Variants in IL1RAPL2 observed in about 807,000 individuals in gnomAD.
IL1RAPL2 encodes the protein X-linked interleukin-1 receptor accessory protein-like 2.
IL1RAPL2 carries 3 observed loss-of-function variants against 44.1 expected under a neutral mutation model. That is an observed-to-expected ratio of 0.07 (90% CI 0.03 to 0.18). The LOEUF (loss-of-function observed/expected upper bound fraction) is 0.18. Among genes scored for constraint, IL1RAPL2 ranks in the 10% least tolerant of loss-of-function variants. The pLI is 1.00. For missense variants in IL1RAPL2, 391 were observed against 496.4 expected (o/e 0.79, Z 2.02); for synonymous variants, 181 against 178.8 (o/e 1.01, Z -0.10).
At chrX:104,983,665 A>ATACATAATATTATATACATAATATT (rs2030506327) in intron 2 of IL1RAPL2, among the ~76,000 whole-genome samples, 2 of 97,808 alleles carry the variant, frequency 2.0e-5, no homozygotes, top group Non-Finnish European at 4.0e-5. Flanking sequence ...TACATAATAT[A>ATACATAATATTATATACATAATATT]TACATAATAT....
intron 4 of IL1RAPL2, among the ~76,000 whole-genome samples, chrX:105,241,954 A>C (rs2034174252): frequency 8.9e-6 from 1 of 112,264 alleles, no homozygotes; most frequent in South Asian, 3.7e-4. Context: ...CAGTAGTCTC[A>C]ATTACATGTT....
In IL1RAPL2 at chrX:104,739,555, A is replaced by G. The variant is rs182472936; in HGVS notation, c.82+80560A>G. Among the ~76,000 whole-genome samples, 3 of 111,898 alleles carry G rather than the reference A, an allele frequency of 2.7e-5. No individual in the cohort carries two copies. The East Asian group carries it at 8.6e-4, about 32-fold the overall frequency. ...TGATTTCACTCTTAAAGATGCTGAC[A>G]TATCTTCTATTTGAAGGAGCTCTTG... On this transcript the variant is annotated intron_variant, in intron 2 of 10. Transcript: ENST00000372582.
At chrX:105,149,561 G>A (rs1436121112) in intron 2 of IL1RAPL2, among the ~76,000 whole-genome samples, 9 of 111,624 alleles carry the variant, frequency 8.1e-5, no homozygotes, top group Non-Finnish European at 1.7e-4. Context: ...GCCAGGTGTG[G>A]TGGCTCATGC....
At chrX:105,469,763 G>A (rs2036153583) in intron 5 of IL1RAPL2, among the ~76,000 whole-genome samples, 1 of 110,460 alleles carries the variant, frequency 9.1e-6, no homozygotes, top group African/African-American at 3.3e-5. Flanking sequence ...TGTAATCTTG[G>A]GTAGGTCACC....
intron 2 of IL1RAPL2, among the ~76,000 whole-genome samples, chrX:104,989,432 A>G (rs73635171): frequency 0.056 from 6,283 of 111,417 alleles, 456 homozygotes; most frequent in African/African-American, 0.2. Flanking sequence ...GTAAAGAATC[A>G]TATTGTTGGC....
At chrX:104,913,690 T>C (rs1008747702) in intron 2 of IL1RAPL2, among the ~76,000 whole-genome samples, 1 of 112,304 alleles carries the variant, frequency 8.9e-6, no homozygotes, top group South Asian at 3.7e-4. Flanking sequence ...CACTCTCTGA[T>C]GGTAGCTAGA....
intron 9 of IL1RAPL2, among the ~76,000 whole-genome samples, chrX:105,753,566 G>C (rs982484703): frequency 9.0e-6 from 1 of 111,218 alleles, no homozygotes; most frequent in Non-Finnish European, 1.9e-5. Context: ...ATTGGAACAA[G>C]GGCAGAGGTG....
intron 2 of IL1RAPL2, among the ~76,000 whole-genome samples, chrX:104,778,736 A>C (rs1269640120): frequency 9.1e-6 from 1 of 109,480 alleles, no homozygotes; most frequent in African/African-American, 3.3e-5. Context: ...AATTTTTACC[A>C]GCCAATTAAA....
intron 6 of IL1RAPL2, among the ~76,000 whole-genome samples, chrX:105,711,496 C>T (rs1289921648): frequency 9.0e-6 from 1 of 111,575 alleles, no homozygotes; most frequent in Non-Finnish European, 1.9e-5. Flanking sequence ...GATCCTGCCT[C>T]TCAACACTAT....
At chrX:104,802,414 T>A (rs1006683534) in intron 2 of IL1RAPL2, among the ~76,000 whole-genome samples, 5 of 110,352 alleles carry the variant, frequency 4.5e-5, no homozygotes, top group Non-Finnish European at 1.9e-5. Context: ...CAAAGAAAAG[T>A]TAAAATATGC....
intron 2 of IL1RAPL2, among the ~76,000 whole-genome samples, chrX:104,848,195 T>C (rs1922110132): frequency 9.1e-6 from 1 of 109,670 alleles, no homozygotes; most frequent in African/African-American, 3.3e-5. Context: ...TTCTTTCTCC[T>C]GCCTGATTGC....
At chrX:105,170,432 A>G (rs1462598458) in intron 2 of IL1RAPL2, among the ~76,000 whole-genome samples, 2 of 111,497 alleles carry the variant, frequency 1.8e-5, no homozygotes, top group African/African-American at 6.5e-5. Flanking sequence ...TATAAATCAA[A>G]TTGTACTTAC....
At chrX:104,582,822 C>CTT (rs748809592) in intron 1 of IL1RAPL2, among the ~76,000 whole-genome samples, 1 of 40,656 alleles carries the variant, frequency 2.5e-5, no homozygotes, top group Non-Finnish European at 4.2e-5. Context: ...TCCTTTCTTT[C>CTT]TCTTTCTTTC....
intron 8 of IL1RAPL2, among the ~76,000 whole-genome samples, chrX:105,743,720 T>A (rs183687261): frequency 8.9e-5 from 10 of 111,859 alleles, no homozygotes; most frequent in African/African-American, 2.3e-4. Context: ...TACTGCTGTA[T>A]CTCTAGTGCA....
At chrX:105,297,542 A>T (rs1478264511) in intron 5 of IL1RAPL2, among the ~76,000 whole-genome samples, 1 of 110,644 alleles carries the variant, frequency 9.0e-6, no homozygotes, top group African/African-American at 3.3e-5. Context: ...ACCTTTCTTC[A>T]CAAAGCAGCA....
intron 6 of IL1RAPL2, among the ~76,000 whole-genome samples, chrX:105,674,988 T>C (rs1461405669): frequency 9.0e-6 from 1 of 110,645 alleles, no homozygotes; most frequent in Non-Finnish European, 1.9e-5. Flanking sequence ...ATAGGAGTGC[T>C]TGTGACTTCT....
intron 6 of IL1RAPL2, among the ~76,000 whole-genome samples, chrX:105,487,459 T>C (rs1186315298): frequency 1.8e-5 from 2 of 112,239 alleles, no homozygotes; most frequent in Admixed American, 1.9e-4. Context: ...GCTGAACTTT[T>C]CGGGTTTTAG....
intron 1 of IL1RAPL2, among the ~76,000 whole-genome samples, chrX:104,619,571 G>A (rs1166475275): frequency 8.9e-6 from 1 of 111,821 alleles, no homozygotes; most frequent in East Asian, 2.8e-4. Flanking sequence ...TTTCCTCCTT[G>A]AATTAAACTG....
intron 2 of IL1RAPL2, among the ~76,000 whole-genome samples, chrX:105,110,361 A>G (rs747940217): frequency 2.7e-5 from 3 of 112,242 alleles, no homozygotes; most frequent in South Asian, 3.7e-4. Context: ...GAAGAATCCA[A>G]TGTTCTCTGC....
Sources: gnomAD v4.1 joint callset for allele counts (sites outside exome capture counted in the v4.1 genomes callset) on GRCh38, gnomAD v4.1.1 for gene constraint, MANE v1.5 for transcripts, NCBI Gene and HGNC (gene_info 2026-07-23, HGNC 2026-07-21) for gene names.